The following PCDHA4 variants were observed in gnomAD, a reference collection of about 807,000 sequenced individuals.
The protein encoded by PCDHA4 is protocadherin alpha-4.
Under a neutral mutation model 61.4 loss-of-function variants are expected in PCDHA4, and 49 were observed. The observed-to-expected ratio is 0.80, with a 90% CI of 0.63 to 1.01. The LOEUF (loss-of-function observed/expected upper bound fraction) is 1.01, where lower values mean the gene tolerates loss of function less well. Among genes scored for constraint, PCDHA4 ranks in the 50% least tolerant of loss-of-function variants. The pLI, the probability that PCDHA4 is intolerant of heterozygous loss-of-function variation, is 0.00. For missense variants in PCDHA4, 1,254 were observed against 1,235.8 expected (o/e 1.01, Z -0.22); for synonymous variants, 590 against 550.3 (o/e 1.07, Z -1.01).
chr5:140,834,172 G>A (rs114972611), intron 1 of PCDHA4: 2 of 551,148 alleles, frequency 3.6e-6, no homozygotes, highest in Non-Finnish European at 6.4e-6. Flanking sequence ...TTACTTACAT[G>A]ATGGCCACAT....
At chr5:140,968,817 T>C in intron 1 of PCDHA4, 2 of 1,614,110 alleles carry the variant, frequency 1.2e-6, no homozygotes, top group Middle Eastern at 3.3e-4. Flanking sequence ...GTGGATAGGG[T>C]TTCCAAAATC....
chr5:140,822,949 G>A (rs782104734), intron 1 of PCDHA4: 3 of 1,614,228 alleles, frequency 1.9e-6, no homozygotes, highest in South Asian at 2.2e-5. Flanking sequence ...AATGCCCCAC[G>A]TTCCCTTCAA....
intron 1 of PCDHA4, among the ~76,000 whole-genome samples, chr5:140,936,711 A>G (rs2091105126): frequency 6.6e-6 from 1 of 152,212 alleles, no homozygotes; most frequent in African/African-American, 2.4e-5. Flanking sequence ...TCTTGTGCCA[A>G]TACATTCTGT....
chr5:140,854,460 A>G (rs2043130450), intron 1 of PCDHA4: 1 of 150,030 alleles, frequency 6.7e-6, no homozygotes, highest in Non-Finnish European at 1.5e-5. Context: ...GAGGCATTCC[A>G]GAGGAGTAGA....
chr5:141,000,192 T>C lies in PCDHA4; in HGVS notation c.2534-9435T>C, dbSNP rs112948047. 6.4e-3 allele frequency among the ~76,000 whole-genome samples: 968 copies of C among 151,888 alleles called. 13 individuals carry two copies. Among genetic ancestry groups the C allele is most frequent in the African/African-American group, 0.023 (941 of 41,384 alleles). ...TTGAGCCAAGGAGTCAATGTGAGAA[T>C]AGTTTTTCACCTTCATTATCAAATG... On this transcript the variant is annotated intron_variant, in intron 3 of 3. Coordinates refer to ENST00000530339, the MANE Select transcript of PCDHA4 (RefSeq NM_018907.4).
intron 1 of PCDHA4, chr5:140,869,449 G>C (rs1562628506): frequency 9.3e-6 from 15 of 1,614,196 alleles, no homozygotes; most frequent in Non-Finnish European, 1.3e-5. Context: ...GCCGCTGCAG[G>C]TTTTCCATGT....
Position 140,807,525 on chromosome 5 carries a change from C to G in PCDHA4, c.338C>G (p.Pro113Arg). 1 of 1,614,052 alleles carries G rather than the reference C, an allele frequency of 6.2e-7. No homozygotes were observed. Among genetic ancestry groups the G allele is most frequent in the South Asian group, 1.1e-5 (1 of 91,056 alleles). The change falls in exon 1 of 4, where the codon CCG (proline) becomes CGG (arginine). Residue 113 changes from proline (P) to arginine (R), a missense_variant. By Grantham distance (103) the Pro-to-Arg change is moderately radical (BLOSUM62 -2). Coordinates refer to ENST00000530339, the MANE Select transcript of PCDHA4 (RefSeq NM_018907.4). ...CACCTGGAGGTGATCGTAGACAGGC[C>G]GCTGCAGGTTTTCCATGTGGACGTG... ...SIHLEVIVDR[P>R]LQVFHVDVEV...
chr5:140,855,882 T>C (rs1248405239), intron 1 of PCDHA4: 3 of 945,936 alleles, frequency 3.2e-6, no homozygotes, highest in Admixed American at 3.1e-5. Context: ...AATAGCTTTT[T>C]AGAACAAAGG....
chr5:140,828,949 A>C (rs1770047572), intron 1 of PCDHA4: 1 of 1,614,264 alleles, frequency 6.2e-7, no homozygotes, highest in Non-Finnish European at 8.5e-7. Context: ...GCCTTGTTGC[A>C]GCCATGGTTA....
chr5:140,823,644 G>A, intron 1 of PCDHA4: 3 of 1,613,948 alleles, frequency 1.9e-6, no homozygotes, highest in Non-Finnish European at 2.5e-6. Flanking sequence ...CGTTCCGCGT[G>A]GGGCTGTACA....
intron 1 of PCDHA4, chr5:140,856,750 C>G (rs1554149043): frequency 6.3e-7 from 1 of 1,596,268 alleles, no homozygotes; most frequent in African/African-American, 1.3e-5. Context: ...TGTTAGATGC[C>G]AATGATAACG....
chr5:140,980,933 C>G (rs1376814777), intron 2 of PCDHA4, among the ~76,000 whole-genome samples: 1 of 152,120 alleles, frequency 6.6e-6, no homozygotes, highest in African/African-American at 2.4e-5. Flanking sequence ...CTGCTTTGAG[C>G]TGAGCTGGCT....
intron 1 of PCDHA4, chr5:140,835,907 G>T (rs2150248091): frequency 6.2e-7 from 1 of 1,612,200 alleles, no homozygotes. Flanking sequence ...CGAGCTACGT[G>T]TCAGTGCACG....
At chr5:140,912,237 A>T (rs2075827332) in intron 1 of PCDHA4, among the ~76,000 whole-genome samples, 2 of 152,122 alleles carry the variant, frequency 1.3e-5, no homozygotes, top group South Asian at 4.2e-4. Flanking sequence ...CACTGACTCA[A>T]ATGTTAATCT....
chr5:140,876,297 A>G, intron 1 of PCDHA4: 1 of 1,614,092 alleles, frequency 6.2e-7, no homozygotes, highest in Non-Finnish European at 8.5e-7. Flanking sequence ...GACTTAATGG[A>G]GAAATTTCCT....
intron 1 of PCDHA4, chr5:140,831,346 C>T (rs1204260728): frequency 1.4e-5 from 2 of 140,818 alleles, no homozygotes; most frequent in South Asian, 2.4e-4. Context: ...GTAATTTAAA[C>T]TATTCACTAT....
chr5:140,877,037 C>T lies in PCDHA4; in HGVS notation c.2385+67465C>T, dbSNP rs782624599. ...AGCGGCAAGGTGTACGCGCTGCAGC[C>T]GCTAGACCACGAGGAGCTGGAGCTG... On this transcript the variant is annotated intron_variant, in intron 1 of 3. Transcript: ENST00000530339. 6.8e-6 allele frequency: 11 copies of T among 1,612,374 alleles called. No individual in the cohort carries two copies. Among genetic ancestry groups the T allele is most frequent in the Admixed American group, 5.0e-5 (3 of 59,998 alleles).
chr5:140,838,594 A>G (rs1775794332), intron 1 of PCDHA4, among the ~76,000 whole-genome samples: 1 of 152,002 alleles, frequency 6.6e-6, no homozygotes, highest in Non-Finnish European at 1.5e-5. Flanking sequence ...CAATAACCGA[A>G]TTGTCTAGAC....
At chr5:140,831,653 A>G (rs1426760036) in intron 1 of PCDHA4, among the ~76,000 whole-genome samples, 1 of 151,162 alleles carries the variant, frequency 6.6e-6, no homozygotes, top group Non-Finnish European at 1.5e-5. Flanking sequence ...GTGAGCCACT[A>G]TGCTTGGCTA....
Sources: allele counts gnomAD v4.1 joint callset (sites outside exome capture counted in the v4.1 genomes callset), GRCh38; gene constraint gnomAD v4.1.1; transcripts MANE v1.5; gene names NCBI Gene and HGNC (gene_info 2026-07-23, HGNC 2026-07-21).